Variants in ZNF554 observed in about 807,000 individuals in gnomAD.
The protein encoded by ZNF554 is zinc finger protein 554.
In ZNF554, 15 loss-of-function variants were observed where a neutral mutation model predicts 21.2. The ratio of observed to expected loss-of-function variants is 0.71; its 90% CI spans 0.47 to 1.09. The LOEUF is 1.09. Ranked by LOEUF, ZNF554 falls within the 50% of genes least tolerant of loss-of-function variation. ZNF554 has a pLI of 0.00. For missense variants in ZNF554, 691 were observed against 662.7 expected (o/e 1.04, Z -0.47); for synonymous variants, 258 against 251.4 (o/e 1.03, Z -0.25).
chr19:2,820,267 C>A, intron 1 of ZNF554, 143 bp downstream of exon 1: 1 of 785,434 alleles, frequency 1.3e-6, no homozygotes, highest in Non-Finnish European at 1.7e-6. Context: ...GCCGGCAGCT[C>A]GCCCAGGGCC....
chr19:2,832,871 C>A (rs918771746), intron 4 of ZNF554, among the ~76,000 whole-genome samples: 2 of 152,130 alleles, frequency 1.3e-5, no homozygotes, highest in African/African-American at 4.8e-5. Flanking sequence ...TCACTCCCAC[C>A]TATTTTGTTT....
chr19:2,831,539 C>G (rs902919994), intron 3 of ZNF554: 1 of 152,050 alleles, frequency 6.6e-6, no homozygotes, highest in African/African-American at 2.4e-5. Flanking sequence ...CATGATCCAC[C>G]CGCCCTGCCC....
Position 2,834,453 on chromosome 19 carries a change from G to A in ZNF554, c.1218G>A (p.Lys406=). ...TQHQRIHTGE[K]PYKCEDCGKS... ...ATCAGAGGATTCACACCGGGGAAAA[G>A]CCCTATAAATGTGAAGACTGTGGGA... is the stretch of plus-strand genomic sequence containing the variant. Residue 406 remains lysine, a synonymous_variant, in exon 5 of 5, where the codon AAG becomes AAA. Coordinates refer to ENST00000317243, the MANE Select transcript of ZNF554 (RefSeq NM_001102651.2). 1 of 1,613,972 alleles carries A rather than the reference G, an allele frequency of 6.2e-7. No individual in the cohort carries two copies. Among genetic ancestry groups the A allele is most frequent in the Non-Finnish European group, 8.5e-7 (1 of 1,180,016 alleles).
chr19:2,821,508 G>T lies in ZNF554; in HGVS notation c.53+1384G>T, dbSNP rs2087263575. ...CAACATGAAGATGTGGTGGGGCCGTGGTGCTTCTGAAGGCTCTGGCGGGAG... is the reference window on the plus strand; with the variant it reads ...CAACATGAAGATGTGGTGGGGCCGTTGTGCTTCTGAAGGCTCTGGCGGGAG... On this transcript the variant is annotated intron_variant, in intron 1 of 4. Transcript: ENST00000317243. This position sits in a 1 kb window ranked among gnomAD's most constrained non-coding sequence, Gnocchi z 8.2. Among the ~76,000 whole-genome samples the T allele has an allele frequency of 6.6e-6, 1 of 151,836 alleles. No homozygotes were observed. The highest frequency in any genetic ancestry group is 1.5e-5 in the Non-Finnish European group (1 of 68,030).
chr19:2,833,908 A>G lies in ZNF554; in HGVS notation c.673A>G (p.Asn225Asp), dbSNP rs758013584. 9 of 1,614,010 alleles carry G rather than the reference A, an allele frequency of 5.6e-6. No individual in the cohort carries two copies. The highest frequency in any genetic ancestry group is 1.7e-5 in the Admixed American group (1 of 60,016). The change falls in exon 5 of 5, where the codon AAT becomes GAT. Residue 225 changes from asparagine to aspartate, a missense_variant. By Grantham distance (23) the Asn-to-Asp change is conservative. Coordinates refer to ENST00000317243, the MANE Select transcript of ZNF554 (RefSeq NM_001102651.2). ...KATAWHGFGENGNLSPALVLS... is the reference protein window; with the variant it reads ...KATAWHGFGEDGNLSPALVLS... ...TACTGCATGGCATGGATTTGGGGAA[A>G]ATGGTAATCTGAGCCCAGCCCTTGT...
At chr19:2,833,363 A>G in intron 4 of ZNF554, 1 of 188,462 alleles carries the variant, frequency 5.3e-6, no homozygotes, top group Non-Finnish European at 1.1e-5. Flanking sequence ...ACCTCAGGTG[A>G]TCCACCTGCC....
Position 2,834,255 on chromosome 19 carries a change from C to G in ZNF554, c.1020C>G (p.Ser340Arg). Residue 340 changes from serine to arginine, a missense_variant, in exon 5 of 5, where the codon AGC becomes AGG. Coordinates refer to ENST00000317243, the MANE Select transcript of ZNF554 (RefSeq NM_001102651.2). ...TGTTCAACCGGAGGCATTCTTTGAGCGAACATCAAAGAATTCACACGGGGG... is the reference window on the plus strand; with the variant it reads ...TGTTCAACCGGAGGCATTCTTTGAGGGAACATCAAAGAATTCACACGGGGG... ...GKVFNRRHSLSEHQRIHTGEK... is the reference protein window; with the variant it reads ...GKVFNRRHSLREHQRIHTGEK... 1 of 1,614,018 alleles carries G rather than the reference C, an allele frequency of 6.2e-7. No homozygotes were observed. Among genetic ancestry groups the G allele is most frequent in the Non-Finnish European group, 8.5e-7 (1 of 1,180,038 alleles).
At chr19:2,831,593 C>CTTTTTTTTTTTTTTTTTTTTTT (rs71179916) in intron 3 of ZNF554, 1 of 113,480 alleles carries the variant, frequency 8.8e-6, no homozygotes. Flanking sequence ...TGCACCCGCC[C>CTTTTTTTTTTTTTTTTTTTTTT]TTTTTTTTTT....
chr19:2,834,667 T>G lies in ZNF554; in HGVS notation c.1432T>G (p.Ser478Ala), dbSNP rs1386468084. 2 of 1,613,726 alleles carry G rather than the reference T, an allele frequency of 1.2e-6. No individual in the cohort carries two copies. The highest frequency in any genetic ancestry group is 1.7e-6 in the Non-Finnish European group (2 of 1,179,950). Residue 478 changes from serine (S) to alanine (A), a missense_variant, in exon 5 of 5, where the codon TCC becomes GCC. Coordinates refer to ENST00000317243, the MANE Select transcript of ZNF554 (RefSeq NM_001102651.2). ...QCGRAFSQRS[S>A]LVRHERTHTG... ...TGGGAGAGCCTTCAGCCAGAGGTCT[T>G]CCCTTGTGAGGCACGAGAGAACTCA...
intron 2 of ZNF554, among the ~76,000 whole-genome samples, chr19:2,825,670 CAG>C (rs1418097666): frequency 6.6e-6 from 1 of 152,054 alleles, no homozygotes; most frequent in Non-Finnish European, 1.5e-5. Context: ...TGGGCTCAAA[CAG>C]AGTCTTCCCA....
chr19:2,822,664 G>A (rs1347000845), intron 1 of ZNF554, among the ~76,000 whole-genome samples: 2 of 152,092 alleles, frequency 1.3e-5, no homozygotes, highest in Non-Finnish European at 2.9e-5. Flanking sequence ...TGGATCCCTT[G>A]AGCCCAGGAG....
chr19:2,834,247 T>C lies in ZNF554; in HGVS notation c.1012T>C (p.Ser338Pro). ...TGGGAAGGTGTTCAACCGGAGGCAT[T>C]CTTTGAGCGAACATCAAAGAATTCA... ...QCGKVFNRRH[S>P]LSEHQRIHTG... The change falls in exon 5 of 5, where the codon TCT becomes CCT. Residue 338 changes from serine (S) to proline (P), a missense_variant. Transcript: ENST00000317243. The C allele has an allele frequency of 6.2e-7, 1 of 1,614,064 alleles. No homozygotes were observed. The highest frequency in any genetic ancestry group is 8.5e-7 in the Non-Finnish European group (1 of 1,180,032).
intron 1 of ZNF554, among the ~76,000 whole-genome samples, chr19:2,820,539 C>A (rs2087248205): frequency 6.6e-6 from 1 of 152,144 alleles, no homozygotes; most frequent in African/African-American, 2.4e-5. Context: ...CAGTTCCTGG[C>A]ATGGAGTAGG....
intron 2 of ZNF554, among the ~76,000 whole-genome samples, chr19:2,823,549 G>A (rs1440548602): frequency 1.3e-5 from 2 of 152,112 alleles, no homozygotes; most frequent in African/African-American, 2.4e-5. Context: ...CAGAGAGGAG[G>A]CCTAGGAGAG....
intron 3 of ZNF554, among the ~76,000 whole-genome samples, chr19:2,829,900 ATGGATT>A (rs1260463712): frequency 6.6e-6 from 1 of 151,754 alleles, no homozygotes; most frequent in Non-Finnish European, 1.5e-5. Context: ...CTCCATCTCT[ATGGATT>A]TGCCTACCCT....
intron 2 of ZNF554, among the ~76,000 whole-genome samples, chr19:2,825,062 G>A (rs900631002): frequency 6.9e-6 from 1 of 143,998 alleles, no homozygotes; most frequent in Admixed American, 7.2e-5. Context: ...GCACAGGTTG[G>A]AGTGCAGTGG....
rs1312514704 is a variant in ZNF554, at chr19:2,827,664, G to A, written c.174G>A (p.Glu58=). 6.2e-7 allele frequency: 1 copy of A among 1,614,040 alleles called. No individual in the cohort carries two copies. The highest frequency in any genetic ancestry group is 1.1e-5 in the South Asian group (1 of 91,044). The change falls in exon 3 of 5, where the codon GAG becomes GAA. Residue 58 remains glutamate, a synonymous_variant. Coordinates refer to ENST00000317243, the MANE Select transcript of ZNF554 (RefSeq NM_001102651.2). ...TGTCCATGGACTTCTCCCAGGAGGA[G>A]TGGGAGTTGCTGGAGCCTGCTCAGA... ...EDVSMDFSQE[E]WELLEPAQKN...
chr19:2,825,035 CAAG>C (rs2087313895), intron 2 of ZNF554, among the ~76,000 whole-genome samples: 1 of 108,660 alleles, frequency 9.2e-6, no homozygotes, highest in African/African-American at 3.6e-5. Flanking sequence ...TTTTTTGAGA[CAAG>C]GTCTTGCTCT....
intron 3 of ZNF554, among the ~76,000 whole-genome samples, chr19:2,830,061 A>G (rs1355176719): frequency 6.6e-6 from 1 of 152,120 alleles, no homozygotes; most frequent in African/African-American, 2.4e-5. Flanking sequence ...AGTAGCTGGG[A>G]CTACAGGCGC....
Sources: gnomAD v4.1 joint callset for allele counts (sites outside exome capture counted in the v4.1 genomes callset) on GRCh38, gnomAD v4.1.1 for gene constraint, Gnocchi (gnomAD v3.1) non-coding constraint, MANE v1.5 for transcripts, NCBI Gene and HGNC (gene_info 2026-07-23, HGNC 2026-07-21) for gene names.